PDE4DIP: variants seen among roughly 807,000 people sequenced by gnomAD.
The protein encoded by PDE4DIP is phosphodiesterase 4D interacting protein, also known as myomegalin.
In PDE4DIP, 59 loss-of-function variants were observed where a neutral mutation model predicts 221.4. The observed-to-expected ratio is 0.27, with a 90% confidence interval of 0.22 to 0.33. The LOEUF (loss-of-function observed/expected upper bound fraction) is 0.33, where lower values mean the gene tolerates loss of function less well. Ranked by LOEUF, PDE4DIP falls within the 10% of genes least tolerant of loss-of-function variation. The pLI, the probability that PDE4DIP is intolerant of heterozygous loss-of-function variation, is 1.00. For synonymous variants in PDE4DIP, 404 were observed against 815.9 expected, an observed-to-expected ratio of 0.50 and a Z score of 8.60; for missense variants, 1,036 against 2,154.2, an observed-to-expected ratio of 0.48 and a Z score of 10.28.
chr1:148,905,277 G>A (rs1441665604), intron 1 of PDE4DIP, among the ~76,000 whole-genome samples: 5 of 113,210 alleles, frequency 4.4e-5, no homozygotes, highest in African/African-American at 1.1e-4. Context: ...TCCGCCTCCC[G>A]GGTTCATGCC....
intron 21 of PDE4DIP, chr1:148,983,906 T>G (rs587636587): frequency 1.3e-5 from 2 of 152,250 alleles, no homozygotes; most frequent in Admixed American, 6.5e-5. Context: ...GTTTTTCTCA[T>G]GCTTCCCTTT....
At chr1:148,955,536 G>A (rs1553501398) in intron 5 of PDE4DIP, among the ~76,000 whole-genome samples, 2 of 152,008 alleles carry the variant, frequency 1.3e-5, no homozygotes, top group Admixed American at 6.5e-5. Context: ...TTTAACTAAC[G>A]TAGCCCATGC....
intron 3 of PDE4DIP, among the ~76,000 whole-genome samples, chr1:148,875,903 G>A (rs1437305472): frequency 2.4e-3 from 367 of 152,232 alleles, no homozygotes; most frequent in African/African-American, 8.1e-3. Context: ...TCCAGCCTGG[G>A]CGACAAAGCG....
intron 14 of PDE4DIP, among the ~76,000 whole-genome samples, chr1:148,969,708 T>C (rs1156953155): frequency 1.2e-4 from 17 of 137,294 alleles, no homozygotes; most frequent in African/African-American, 4.9e-4. Context: ...AAGTAAATTC[T>C]TTTTTTTTTT....
Position 148,844,303 on chromosome 1 carries a change from A to T in PDE4DIP, c.234-18947A>T, listed in dbSNP as rs1205760988. ...TGAGCCAGCGAGAGAGGGGTCGGGG[A>T]GACGCGAGGGTGGTTCAGGGGGCGT... On this transcript the variant is annotated intron_variant, in intron 1 of 45. Transcript: ENST00000524974. 80 of 533,228 alleles carry T rather than the reference A, an allele frequency of 1.5e-4. 6 individuals are homozygous for T. Among genetic ancestry groups the T allele is most frequent in the Admixed American group, 5.1e-4 (8 of 15,684 alleles). 33.0% of individuals were successfully genotyped at this position (533,228 alleles called of 1,614,324 possible).
chr1:149,024,414 G>C (rs781843215), intron 37 of PDE4DIP, 31 bp from the exon 41 acceptor site: 15 of 1,575,930 alleles, frequency 9.5e-6, no homozygotes, highest in Admixed American at 1.8e-5. Context: ...GAAATACTTG[G>C]GTCAATGTTA....
chr1:148,967,878 T>C, exon 13 of PDE4DIP: 1 of 1,021,004 alleles, frequency 9.8e-7, no homozygotes. Flanking sequence ...TACAGACGTC[T>C]CTTCATGATA....
chr1:148,990,558 T>C (rs2062828102), intron 21 of PDE4DIP, among the ~76,000 whole-genome samples: 2 of 151,510 alleles, frequency 1.3e-5, no homozygotes, highest in Admixed American at 6.6e-5. Flanking sequence ...TGTCTAAGAG[T>C]CCAGAGTCTT....
chr1:148,919,232 A>G (rs2044840381), intron 1 of PDE4DIP, among the ~76,000 whole-genome samples: 1 of 150,554 alleles, frequency 6.6e-6, no homozygotes. Flanking sequence ...GGTGTCTCAC[A>G]TAAGCGTAAA....
At chr1:148,969,973 T>A (rs1553523795) in intron 14 of PDE4DIP, among the ~76,000 whole-genome samples, 5 of 152,348 alleles carry the variant, frequency 3.3e-5, no homozygotes, top group Admixed American at 6.5e-5. Context: ...CCCAAAGTGC[T>A]GGGATTACAG....
intron 1 of PDE4DIP, among the ~76,000 whole-genome samples, chr1:148,821,850 G>A (rs1449464837): frequency 0.011 from 1,689 of 149,936 alleles, 38 homozygotes; most frequent in Middle Eastern, 0.031. Context: ...GCTGGCTATT[G>A]CAGTAAGTAA....
intron 36 of PDE4DIP, 112 bp from the exon 40 acceptor site, chr1:149,020,917 C>T (rs2072591421): frequency 1.1e-5 from 7 of 612,704 alleles, no homozygotes; most frequent in African/African-American, 7.3e-5. Context: ...CAGATGTAAC[C>T]CTAACTGTAA....
rs187365052 is a variant in PDE4DIP, at chr1:148,930,135, G to A, written c.218+862G>A. 8.0e-4 allele frequency: 121 copies of A among 151,634 alleles called. 2 individuals carry two copies. The highest frequency in any genetic ancestry group is 2.8e-3 in the African/African-American group (114 of 41,294). 9.4% of individuals were successfully genotyped at this position (151,634 alleles called of 1,614,324 possible). A position where few individuals can be genotyped will look rare whatever the true frequency, so the allele number is the denominator to read the frequency against. On this transcript the variant is annotated intron_variant, in intron 2 of 43. Transcript: ENST00000369354. ...ATTTACAGTTTTTTAAAAGCTTAGT[G>A]TTAAATGACAAGTATTACTAAAATT... is the stretch of plus-strand genomic sequence containing the variant.
intron 29 of PDE4DIP, 117 bp from the exon 33 acceptor site, chr1:149,009,451 A>G (rs587629846): frequency 1.4e-5 from 9 of 643,070 alleles, no homozygotes; most frequent in South Asian, 7.3e-5. Flanking sequence ...GGTTATTTCC[A>G]TAATTATCTG....
At chr1:148,813,744 T>G (rs2762784) in intron 1 of PDE4DIP, among the ~76,000 whole-genome samples, 47 of 125,868 alleles carry the variant, frequency 3.7e-4, no homozygotes, top group African/African-American at 1.2e-3. Flanking sequence ...TTTTGTATAT[T>G]GTGATCAAGG....
intron 1 of PDE4DIP, among the ~76,000 whole-genome samples, chr1:148,927,270 A>T (rs184360397): frequency 6.6e-6 from 1 of 152,130 alleles, no homozygotes; most frequent in Admixed American, 6.5e-5. Flanking sequence ...ATCTCACTGG[A>T]TCTGAATCTA....
intron 5 of PDE4DIP, among the ~76,000 whole-genome samples, chr1:148,944,377 A>G (rs11579118): frequency 6.7e-6 from 1 of 148,376 alleles, no homozygotes; most frequent in South Asian, 2.2e-4. Context: ...ACAGAAAAAT[A>G]GAGTGGAGCC....
intron 17 of PDE4DIP, among the ~76,000 whole-genome samples, chr1:148,976,251 T>G (rs1699782): frequency 1.3e-5 from 2 of 151,502 alleles, no homozygotes; most frequent in Admixed American, 6.6e-5. Context: ...CCTTTAAAGG[T>G]TTTATTTAAA....
intron 38 of PDE4DIP, among the ~76,000 whole-genome samples, chr1:149,025,406 G>C (rs1315467493): frequency 7.2e-5 from 11 of 151,904 alleles, no homozygotes; most frequent in African/African-American, 2.7e-4. Context: ...GGGAAGTCCT[G>C]GATGGTGGGT....
Sources: gnomAD v4.1 joint callset for allele counts (sites outside exome capture counted in the v4.1 genomes callset) on GRCh38, gnomAD v4.1.1 for gene constraint, MANE v1.5 for transcripts, NCBI Gene and HGNC (gene_info 2026-07-23, HGNC 2026-07-21) for gene names.